Variants in ZBTB4 observed in about 807,000 individuals in gnomAD.
ZBTB4 encodes zinc finger and BTB domain containing 4, also known as zinc finger and BTB domain-containing protein 4.
Under a neutral mutation model 59.8 loss-of-function variants are expected in ZBTB4, and 14 were observed. The ratio of observed to expected loss-of-function variants is 0.23; its 90% CI spans 0.15 to 0.37. The LOEUF is 0.37. ZBTB4 is among the 10% of genes least tolerant of loss of function. The probability of loss-of-function intolerance (pLI) is 1.00; values close to 1 mark genes in which losing one functional copy is unlikely to be tolerated. For missense variants in ZBTB4, 1,198 were observed against 1,380.8 expected (o/e 0.87, Z 2.10); for synonymous variants, 587 against 575.2 (o/e 1.02, Z -0.29).
At chr17:7,480,677 G>A (rs571422496), upstream of ZBTB4, among the ~76,000 whole-genome samples, 19 of 151,714 alleles carry the variant, frequency 1.3e-4, 1 homozygote, top group South Asian at 2.9e-3. Context: ...CCGAGATCTC[G>A]CCACTGCACT....
chr17:7,481,326 C>T (rs1003726598), upstream of ZBTB4: 16 of 972,020 alleles, frequency 1.6e-5, no homozygotes, highest in East Asian at 3.4e-5. Context: ...GTGGAAACTT[C>T]GTCGCAAACA....
At chr17:7,482,304 A>G, upstream of ZBTB4, 4 of 1,613,738 alleles carry the variant, frequency 2.5e-6, no homozygotes, top group East Asian at 4.5e-5. Context: ...GCCTACTTCT[A>G]TGCCCTGCTC....
In ZBTB4 at chr17:7,466,517, GGAA is replaced by G. The variant is rs112784133; in HGVS notation, c.282_284del (p.Ser100del). The G allele has an allele frequency of 1.4e-5, 22 of 1,610,702 alleles. No homozygotes were observed. Among genetic ancestry groups the G allele is most frequent in the African/African-American group, 9.3e-5 (7 of 74,996 alleles). Reference sequence around the variant, plus strand: ...AAGAAGAAGCAGAGGAGGAAGAAGAGGAAGAAGACGAGGAAGAGGAGGAGGAGG... The same window carrying G: ...AAGAAGAAGCAGAGGAGGAAGAAGAGGAAGACGAGGAAGAGGAGGAGGAGG... On this transcript the variant is annotated inframe_deletion, in exon 3 of 4. Transcript: ENST00000380599. The surrounding 1 kb of genome is among the most constrained non-coding windows in gnomAD (Gnocchi z 9.1).
At chr17:7,467,623 A>C (rs953036210) in intron 1 of ZBTB4, among the ~76,000 whole-genome samples, 3 of 152,152 alleles carry the variant, frequency 2.0e-5, no homozygotes, top group African/African-American at 7.2e-5. Context: ...TCCAAACAAT[A>C]TAGTAGCACA....
At chr17:7,481,885 T>C (rs9891297), upstream of ZBTB4, 299,631 of 1,453,538 alleles carry the variant, frequency 0.21, 32,518 homozygotes, top group Middle Eastern at 0.28. Flanking sequence ...AGCCCAACAC[T>C]GTACAGTCCC....
upstream of ZBTB4, chr17:7,483,496 G>A (rs1467163123): frequency 5.7e-5 from 12 of 211,450 alleles, no homozygotes; most frequent in East Asian, 8.8e-4. Flanking sequence ...CTCTGAATGT[G>A]GCTTGCAGTG....
intron 1 of ZBTB4, among the ~76,000 whole-genome samples, chr17:7,470,706 A>T (rs2070186879): frequency 6.6e-6 from 1 of 152,196 alleles, no homozygotes; most frequent in Admixed American, 6.5e-5. Flanking sequence ...CAAAATAAAT[A>T]AATAAAATGT....
chr17:7,481,576 T>G (rs1259727707), upstream of ZBTB4: 4 of 1,244,150 alleles, frequency 3.2e-6, no homozygotes, highest in Non-Finnish European at 4.4e-6. Flanking sequence ...GGTTGCTCCA[T>G]TTCCCCTCCT....
Position 7,463,321 on chromosome 17 carries a change from G to A in ZBTB4, c.1661C>T (p.Thr554Met), listed in dbSNP as rs752288006. Residue 554 changes from threonine (T) to methionine (M), a missense_variant, in exon 4 of 4, where the codon ACG becomes ATG. Physicochemically the swap from Thr to Met is moderately conservative, Grantham distance 81. This residue lies in a region of ZBTB4 where 550 missense variants were observed against 541.8 expected (regional missense o/e 1.02). Coordinates refer to ENST00000380599, the MANE Select transcript of ZBTB4 (RefSeq NM_001128833.2). ...TGGATTCCGGCCCTTGGCCTCCTCCGTGGTGGTGGCCATGGCTGGCCCTGC... is the reference window on the plus strand; with the variant it reads ...TGGATTCCGGCCCTTGGCCTCCTCCATGGTGGTGGCCATGGCTGGCCCTGC... ...TAAGPAMATT[T>M]EEAKGRNPRA... is the part of the protein sequence containing the mutation. 1.4e-5 allele frequency: 23 copies of A among 1,608,760 alleles called. No individual in the cohort carries two copies. The highest frequency in any genetic ancestry group is 1.6e-4 in the Middle Eastern group (1 of 6,082).
upstream of ZBTB4, among the ~76,000 whole-genome samples, chr17:7,481,677 T>C (rs2070346915): frequency 6.6e-6 from 1 of 152,168 alleles, no homozygotes; most frequent in Non-Finnish European, 1.5e-5. Context: ...ATCATACAGA[T>C]GCATAGCATC....
upstream of ZBTB4, among the ~76,000 whole-genome samples, chr17:7,481,760 C>G (rs532445213): frequency 6.6e-6 from 1 of 152,278 alleles, no homozygotes; most frequent in South Asian, 2.1e-4. Context: ...ACAACTTACC[C>G]AGGGAAACGA....
chr17:7,483,979 A>ACTCGC (rs2070380235), upstream of ZBTB4: 2 of 151,194 alleles, frequency 1.3e-5, no homozygotes, highest in Admixed American at 1.3e-4. Flanking sequence ...CCCCGGGAGG[A>ACTCGC]CCCGCCCCGC....
chr17:7,468,448 A>C (rs941501802), intron 1 of ZBTB4, among the ~76,000 whole-genome samples: 1 of 152,146 alleles, frequency 6.6e-6, no homozygotes. Context: ...GCAGCAGAGA[A>C]AGCACCGCGC....
At chr17:7,478,421 G>A (rs983545806) in intron 1 of ZBTB4, among the ~76,000 whole-genome samples, 3 of 151,892 alleles carry the variant, frequency 2.0e-5, no homozygotes, top group Non-Finnish European at 4.4e-5. Flanking sequence ...CATGCAACGC[G>A]CTCATCACAG....
At position 7,466,166 on chromosome 17, in the gene ZBTB4, C is replaced by T. The variant is rs1374493798; in HGVS notation, c.636G>A (p.Glu212=). ...SFGPGPRPAG[E]WEGDRAEAQA... ...GGGCCTCAGCCCTGTCACCCTCCCA[C>T]TCCCCAGCTGGCCTGGGCCCGGGCC... The change falls in exon 3 of 4, where the codon GAG becomes GAA. Residue 212 remains glutamate, a synonymous_variant. Coordinates refer to ENST00000380599, the MANE Select transcript of ZBTB4 (RefSeq NM_001128833.2). This position sits in a 1 kb window ranked among gnomAD's most constrained non-coding sequence, Gnocchi z 9.1. 2 of 1,613,114 alleles carry T rather than the reference C, an allele frequency of 1.2e-6. No individual in the cohort carries two copies. Among genetic ancestry groups the T allele is most frequent in the South Asian group, 1.1e-5 (1 of 91,072 alleles).
intron 1 of ZBTB4, among the ~76,000 whole-genome samples, chr17:7,470,634 T>C (rs564582149): frequency 5.9e-5 from 9 of 152,288 alleles, no homozygotes; most frequent in Admixed American, 4.6e-4. Context: ...AGGCAAAGGT[T>C]GCAGTGAGCC....
intron 3 of ZBTB4, among the ~76,000 whole-genome samples, chr17:7,465,396 G>A (rs1158625765): frequency 6.6e-6 from 1 of 151,254 alleles, no homozygotes; most frequent in African/African-American, 2.4e-5. Flanking sequence ...CCTGGGAGGC[G>A]GAGGTGGCAG....
Position 7,459,728 on chromosome 17 carries a change from C to T in ZBTB4, c.*2212G>A, listed in dbSNP as rs1208662398. 1 of 152,442 alleles carries T rather than the reference C, an allele frequency of 6.6e-6. No homozygotes were observed. Among genetic ancestry groups the T allele is most frequent in the Non-Finnish European group, 1.5e-5 (1 of 68,024 alleles). 9.4% of individuals were successfully genotyped at this position (152,442 alleles called of 1,614,324 possible). A position where few individuals can be genotyped will look rare whatever the true frequency, so the allele number is the denominator to read the frequency against. On this transcript the variant is annotated 3_prime_UTR_variant, in exon 4 of 4. Coordinates refer to ENST00000380599, the MANE Select transcript of ZBTB4 (RefSeq NM_001128833.2). The stretch of plus-strand genomic sequence containing the variant: ...ACGTCGCCACAATCTCATTTGTTGC[C>T]CAGAACCACCACATTCTGGAAGCTA...
At position 7,466,180 on chromosome 17, in the gene ZBTB4, T is replaced by C; in HGVS notation, c.622A>G (p.Arg208Gly). 1 of 1,613,200 alleles carries C rather than the reference T, an allele frequency of 6.2e-7. No individual in the cohort carries two copies. The highest frequency in any genetic ancestry group is 1.7e-4 in the Middle Eastern group (1 of 6,058). The stretch of plus-strand genomic sequence containing the variant: ...TCACCCTCCCACTCCCCAGCTGGCC[T>C]GGGCCCGGGCCCAAAGCTGTCCTCT... ...PEEDSFGPGP[R>G]PAGEWEGDRA... Residue 208 changes from arginine to glycine, a missense_variant, in exon 3 of 4, where the codon AGG becomes GGG. Arg to Gly is a moderately radical substitution (Grantham distance 125, BLOSUM62 -2). Coordinates refer to ENST00000380599, the MANE Select transcript of ZBTB4 (RefSeq NM_001128833.2). This position sits in a 1 kb window ranked among gnomAD's most constrained non-coding sequence, Gnocchi z 9.1.
Sources: gnomAD v4.1 joint callset for allele counts (sites outside exome capture counted in the v4.1 genomes callset) on GRCh38, gnomAD v4.1.1 for gene constraint, gnomAD v4.1.1 regional missense constraint, Gnocchi (gnomAD v3.1) non-coding constraint, MANE v1.5 for transcripts, NCBI Gene and HGNC (gene_info 2026-07-23, HGNC 2026-07-21) for gene names.